Variants in VPS13A observed in about 807,000 individuals in gnomAD.
VPS13A encodes the protein intermembrane lipid transfer protein VPS13A.
Under a neutral mutation model 390.9 loss-of-function variants are expected in VPS13A, and 264 were observed. The observed-to-expected ratio is 0.68, with a 90% CI of 0.61 to 0.75. VPS13A has a LOEUF of 0.75. Among genes scored for constraint, VPS13A ranks in the 30% least tolerant of loss-of-function variants. The pLI is 0.00. For synonymous variants in VPS13A, 1,231 were observed against 1,227.1 expected (o/e 1.00, Z -0.07); for missense variants, 3,409 against 3,733.9 (o/e 0.91, Z 2.27).
chr9:77,360,775 A>AAT lies in VPS13A; in HGVS notation c.8211+134_8211+135insAT, dbSNP rs1832100805. Reference sequence around the variant, plus strand: ...ATAAATTTTATTACTCTCTTGTGGTACATACCTTTTTAGAAATCTTATTTT... The same window carrying AAT: ...ATAAATTTTATTACTCTCTTGTGGTAATCATACCTTTTTAGAAATCTTATTTT... On this transcript the variant is annotated intron_variant, in intron 59 of 71. Transcript: ENST00000360280. 3 of 656,592 alleles carry AAT rather than the reference A, an allele frequency of 4.6e-6. No homozygotes were observed. In the African/African-American group the frequency reaches 5.5e-5, roughly 12 times the overall value. 40.7% of individuals were successfully genotyped at this position (656,592 alleles called of 1,614,324 possible). A position where few individuals can be genotyped will look rare whatever the true frequency, so the allele number is the denominator to read the frequency against.
chr9:77,310,582 G>A (rs902662675), intron 35 of VPS13A, among the ~76,000 whole-genome samples: 3 of 151,430 alleles, frequency 2.0e-5, no homozygotes, highest in Non-Finnish European at 4.4e-5. Flanking sequence ...TCGTGACAGT[G>A]TAGCAGCAGA....
At chr9:77,242,056 G>A (rs1824529874) in intron 19 of VPS13A, among the ~76,000 whole-genome samples, 1 of 152,134 alleles carries the variant, frequency 6.6e-6, no homozygotes, top group South Asian at 2.1e-4. Context: ...TTTGGAGTAA[G>A]ATCCAATTTC....
intron 59 of VPS13A, among the ~76,000 whole-genome samples, chr9:77,364,555 C>G (rs1331236539): frequency 6.6e-6 from 1 of 152,108 alleles, no homozygotes; most frequent in Admixed American, 6.5e-5. Flanking sequence ...CTGTTCTTCC[C>G]AGGAAGGAAG....
At position 77,187,254 on chromosome 9, in the gene VPS13A, G is replaced by A. The variant is rs187204409; in HGVS notation, c.100+9450G>A. Among the ~76,000 whole-genome samples, 485 of 152,262 alleles carry A rather than the reference G, an allele frequency of 3.2e-3. 2 individuals carry two copies. Among genetic ancestry groups the A allele is most frequent in the African/African-American group, 0.011 (452 of 41,540 alleles). On this transcript the variant is annotated intron_variant, in intron 1 of 71. Transcript: ENST00000360280. ...TTTTTGGGTTACATACCCAGAAGCA[G>A]AATTACTGGATCATATAGTAATTCC...
At chr9:77,313,289 CT>C (rs2131423883) in intron 35 of VPS13A, among the ~76,000 whole-genome samples, 1 of 152,216 alleles carries the variant, frequency 6.6e-6, no homozygotes, top group Admixed American at 6.5e-5. Flanking sequence ...TAAGAGGGAA[CT>C]TTCTGGAGGG....
rs899804710 is a variant in VPS13A at position 77,418,175 on chromosome 9, A to C, written c.*2169A>C. On this transcript the variant is annotated 3_prime_UTR_variant, in exon 72 of 72. Coordinates refer to ENST00000360280, the MANE Select transcript of VPS13A (RefSeq NM_033305.3). Reference sequence around the variant, plus strand: ...CTTGTATTTGAAAACCATCTGCCCTAAATTACATTTAACTACAAGAAATGG... The same window carrying C: ...CTTGTATTTGAAAACCATCTGCCCTCAATTACATTTAACTACAAGAAATGG... The C allele has an allele frequency of 6.6e-6, 1 of 152,196 alleles. No individual in the cohort carries two copies. Among genetic ancestry groups the C allele is most frequent in the Non-Finnish European group, 1.5e-5 (1 of 68,028 alleles). 9.4% of individuals were successfully genotyped at this position (152,196 alleles called of 1,614,324 possible). A position where few individuals can be genotyped will look rare whatever the true frequency, so the allele number is the denominator to read the frequency against.
chr9:77,373,123 TG>T (rs1377260164), intron 67 of VPS13A, among the ~76,000 whole-genome samples: 2 of 152,010 alleles, frequency 1.3e-5, no homozygotes, highest in African/African-American at 4.8e-5. Context: ...TTCACAGAAT[TG>T]GAAAAAACTA....
In VPS13A at chr9:77,313,349, A is replaced by C. The variant is rs1346387015; in HGVS notation, c.4115-643A>C. ...TGAAGTAGTGACTATGTGGAAATAT[A>C]CACTTATCAAATTTCATCAAATAGT... On this transcript the variant is annotated intron_variant, in intron 35 of 71. Coordinates refer to ENST00000360280, the MANE Select transcript of VPS13A (RefSeq NM_033305.3). Among the ~76,000 whole-genome samples the C allele has an allele frequency of 2.6e-5, 4 of 152,196 alleles. No individual in the cohort carries two copies. In the East Asian group the frequency reaches 7.7e-4, roughly 29 times the overall value.
intron 60 of VPS13A, 71 bp downstream of exon 60, chr9:77,365,644 G>T: frequency 1.1e-6 from 1 of 912,702 alleles, no homozygotes; most frequent in African/African-American, 1.6e-5. Flanking sequence ...TTTATATTGT[G>T]TTCTTCAGTA....
Position 77,345,041 on chromosome 9 carries a change from C to G in VPS13A, c.7188C>G (p.Ala2396=). The G allele has an allele frequency of 1.2e-6, 2 of 1,612,690 alleles. No homozygotes were observed. The highest frequency in any genetic ancestry group is 1.7e-6 in the Non-Finnish European group (2 of 1,179,836). Residue 2396 remains alanine, a synonymous_variant, in exon 52 of 72, where the codon GCC becomes GCG. Coordinates refer to ENST00000360280, the MANE Select transcript of VPS13A (RefSeq NM_033305.3). Reference sequence around the variant, plus strand: ...GTATTATAGCAGAAGTGAATTTGGCCGAGCATTCTACAGTTATTACATTTT... The same window carrying G: ...GTATTATAGCAGAAGTGAATTTGGCGGAGCATTCTACAGTTATTACATTTT... ...LGGIIAEVNL[A]EHSTVITFLD...
chr9:77,339,402 G>C, intron 47 of VPS13A, 114 bp from the exon 48 acceptor site: 1 of 980,192 alleles, frequency 1.0e-6, no homozygotes, highest in East Asian at 2.6e-5. Flanking sequence ...GACTTGTTCT[G>C]ATAGGTATTT....
chr9:77,283,697 G>A (rs543567390), intron 31 of VPS13A, 47 bp downstream of exon 31: 213 of 1,426,382 alleles, frequency 1.5e-4, no homozygotes, highest in Non-Finnish European at 1.9e-4. Context: ...AAATAGGATT[G>A]TCCTTTAAGA....
At chr9:77,239,884 A>G (rs1824367855) in intron 19 of VPS13A, among the ~76,000 whole-genome samples, 1 of 151,984 alleles carries the variant, frequency 6.6e-6, no homozygotes, top group Non-Finnish European at 1.5e-5. Context: ...TATTTTATAA[A>G]TTACAGTATA....
chr9:77,188,011 T>C (rs1186841603), intron 1 of VPS13A, among the ~76,000 whole-genome samples: 1 of 152,184 alleles, frequency 6.6e-6, no homozygotes, highest in African/African-American at 2.4e-5. Flanking sequence ...TGGGAGGCAG[T>C]TGGGTCATAG....
chr9:77,226,583 G>A lies in VPS13A; in HGVS notation c.1342G>A (p.Asp448Asn), dbSNP rs144858653. ...SEQNTNEQQP[D>N]VQPETLEEML... ...ACAAAATACTAATGAACAGCAACCAGATGTTCAACCTGAAAGTATGTCCAT... is the reference window on the plus strand; with the variant it reads ...ACAAAATACTAATGAACAGCAACCAAATGTTCAACCTGAAAGTATGTCCAT... Residue 448 changes from aspartate (D) to asparagine (N), a missense_variant, in exon 15 of 72, where the codon GAT becomes AAT. Coordinates refer to ENST00000360280, the MANE Select transcript of VPS13A (RefSeq NM_033305.3). 2 of 1,612,412 alleles carry A rather than the reference G, an allele frequency of 1.2e-6. No individual in the cohort carries two copies. The highest frequency in any genetic ancestry group is 1.7e-5 in the Admixed American group (1 of 59,934).
At position 77,418,005 on chromosome 9, in the gene VPS13A, A is replaced by AAGAT. The variant is rs2131678420; in HGVS notation, c.*2000_*2003dup. The AAGAT allele has an allele frequency of 6.6e-6, 1 of 152,314 alleles. No individual in the cohort carries two copies. The highest frequency in any genetic ancestry group is 1.9e-4 in the East Asian group (1 of 5,188). The allele number at this position is 152,314 out of a possible 1,614,324, so 9.4% of individuals were successfully genotyped here. On this transcript the variant is annotated 3_prime_UTR_variant, in exon 72 of 72. Transcript: ENST00000360280. ...TACATCATATCATTTGTTGTTTTAG[A>AAGAT]AGATTGTCTTCATCTAAACAAAAAC...
At chr9:77,411,261 G>C (rs566112785) in intron 71 of VPS13A, among the ~76,000 whole-genome samples, 1 of 152,054 alleles carries the variant, frequency 6.6e-6, no homozygotes, top group East Asian at 1.9e-4. Context: ...ACACAACATA[G>C]CAGAATCTCT....
At chr9:77,308,127 G>C in intron 35 of VPS13A, 29 bp downstream of exon 35, 1 of 1,611,540 alleles carries the variant, frequency 6.2e-7, no homozygotes, top group Middle Eastern at 1.7e-4. Context: ...ATTTCTTTCT[G>C]CTTTCCTCTT....
In VPS13A at chr9:77,220,185, T is replaced by C. The variant is rs3802497; in HGVS notation, c.883-92T>C. On this transcript the variant is annotated intron_variant, in intron 11 of 71. Coordinates refer to ENST00000360280, the MANE Select transcript of VPS13A (RefSeq NM_033305.3). Reference sequence around the variant, plus strand: ...AAATTCATGATGTTATATGGTAGCATTTCCCTAAAAAGTCAGTAATGTAAC... The same window carrying C: ...AAATTCATGATGTTATATGGTAGCACTTCCCTAAAAAGTCAGTAATGTAAC... 134,006 of 1,510,880 alleles carry C rather than the reference T, an allele frequency of 0.089. 6,412 individuals carry two copies. The highest frequency in any genetic ancestry group is 0.13 in the East Asian group (5,688 of 42,208). The allele number at this position is 1,510,880 out of a possible 1,614,324, so 93.6% of individuals were successfully genotyped here. A position where few individuals can be genotyped will look rare whatever the true frequency, so the allele number is the denominator to read the frequency against.
Sources: allele counts gnomAD v4.1 joint callset (sites outside exome capture counted in the v4.1 genomes callset), GRCh38; gene constraint gnomAD v4.1.1; transcripts MANE v1.5; gene names NCBI Gene and HGNC (gene_info 2026-07-23, HGNC 2026-07-21).